SASH1: variants seen among roughly 807,000 people sequenced by gnomAD.
SASH1 encodes SAM and SH3 domain-containing protein 1.
Under a neutral mutation model 125.2 loss-of-function variants are expected in SASH1, and 44 were observed. That is an observed-to-expected ratio of 0.35 (90% CI 0.28 to 0.45). SASH1 has a LOEUF of 0.45. Ranked by LOEUF, SASH1 falls within the 20% of genes least tolerant of loss-of-function variation. The probability of loss-of-function intolerance (pLI) is 1.00; values close to 1 mark genes in which losing one functional copy is unlikely to be tolerated. For synonymous variants in SASH1, 639 were observed against 649.1 expected (o/e 0.98, Z 0.24); for missense variants, 1,426 against 1,614.5 (o/e 0.88, Z 2.00).
Position 148,544,901 on chromosome 6 carries a change from AAGCCAGCCCGGT to A in SASH1, c.3348+88_3348+99del. Reference sequence around the variant, plus strand: ...GCCAGGTGAGATGAACCCACATCTGAAGCCAGCCCGGTAGCCCGCCCAGTGGACAGGAGACAC... The same window carrying A: ...GCCAGGTGAGATGAACCCACATCTGAAGCCCGCCCAGTGGACAGGAGACAC... On this transcript the variant is annotated intron_variant, in intron 18 of 19. Transcript: ENST00000367467. This position sits in a 1 kb window ranked among gnomAD's most constrained non-coding sequence, Gnocchi z 6.4. The A allele has an allele frequency of 7.2e-7, 1 of 1,393,708 alleles. No homozygotes were observed. The allele number at this position is 1,393,708 out of a possible 1,614,324, so 86.3% of individuals were successfully genotyped here. A position where few individuals can be genotyped will look rare whatever the true frequency, so the allele number is the denominator to read the frequency against.
intron 1 of SASH1, among the ~76,000 whole-genome samples, chr6:148,285,900 T>C (rs183834670): frequency 2.6e-5 from 4 of 152,136 alleles, no homozygotes; most frequent in East Asian, 1.9e-4. Context: ...CTCTGGTTGC[T>C]TGCATGGGTT....
intron 10 of SASH1, among the ~76,000 whole-genome samples, chr6:148,520,736 C>T (rs1780760063): frequency 6.6e-6 from 1 of 152,112 alleles, no homozygotes; most frequent in Non-Finnish European, 1.5e-5. Context: ...GAAGCTGATT[C>T]AAAACAGAAG....
chr6:148,333,791 C>G (rs1018052637), intron 1 of SASH1, among the ~76,000 whole-genome samples: 1 of 151,442 alleles, frequency 6.6e-6, no homozygotes, highest in Non-Finnish European at 1.5e-5. Flanking sequence ...AAATTCCCGA[C>G]CTCAGGTGAT....
At chr6:148,298,866 A>T (rs948184250) in intron 1 of SASH1, among the ~76,000 whole-genome samples, 4 of 111,392 alleles carry the variant, frequency 3.6e-5, no homozygotes, top group Non-Finnish European at 5.6e-5. Flanking sequence ...GGAAGGAGGG[A>T]GGGAAGTAAG....
intron 4 of SASH1, among the ~76,000 whole-genome samples, chr6:148,445,764 T>A (rs1185226304): frequency 6.6e-6 from 1 of 152,166 alleles, no homozygotes; most frequent in African/African-American, 2.4e-5. Flanking sequence ...TTGCAGAGCT[T>A]TCCTAGAAAC....
chr6:148,390,654 GAT>G (rs1783668112), intron 2 of SASH1, among the ~76,000 whole-genome samples: 2 of 152,066 alleles, frequency 1.3e-5, no homozygotes, highest in South Asian at 2.1e-4. Context: ...CGGGCGTGGT[GAT>G]GGGTGCCTGT....
chr6:148,284,680 C>T (rs1779436744), intron 1 of SASH1, among the ~76,000 whole-genome samples: 2 of 152,156 alleles, frequency 1.3e-5, no homozygotes, highest in Non-Finnish European at 2.9e-5. Flanking sequence ...TCTTTGAGAG[C>T]ATCTTGTTTT....
chr6:148,388,061 A>G (rs1363864258), intron 1 of SASH1, among the ~76,000 whole-genome samples: 1 of 151,794 alleles, frequency 6.6e-6, no homozygotes, highest in African/African-American at 2.4e-5. Context: ...GATTACAGGC[A>G]TGCACCACCA....
the SASH1 span, among the ~76,000 whole-genome samples, chr6:148,210,948 T>TA: frequency 6.6e-6 from 1 of 152,192 alleles, no homozygotes; most frequent in African/African-American, 2.4e-5. Flanking sequence ...AAAGTTCTGT[T>TA]AAAAAAGAAA....
At chr6:148,510,652 A>G (rs1427316603) in intron 8 of SASH1, among the ~76,000 whole-genome samples, 1 of 151,966 alleles carries the variant, frequency 6.6e-6, no homozygotes. Context: ...TTATGTTTAT[A>G]AATATAAAAA....
At chr6:148,335,757 T>C (rs1055255579) in intron 1 of SASH1, among the ~76,000 whole-genome samples, 2 of 152,116 alleles carry the variant, frequency 1.3e-5, no homozygotes, top group Admixed American at 1.3e-4. Context: ...CTGCTGCTGT[T>C]AATACCTTTA....
chr6:148,461,800 A>G (rs1777623405), intron 4 of SASH1, among the ~76,000 whole-genome samples: 1 of 152,230 alleles, frequency 6.6e-6, no homozygotes, highest in South Asian at 2.1e-4. Flanking sequence ...TGATAAAAGT[A>G]TCTTTGATAC....
chr6:148,438,750 A>T (rs1269185789), intron 2 of SASH1, among the ~76,000 whole-genome samples: 1 of 115,718 alleles, frequency 8.6e-6, no homozygotes, highest in East Asian at 2.4e-4. Flanking sequence ...AAAAAAACCA[A>T]AACAAACAAA....
intron 8 of SASH1, among the ~76,000 whole-genome samples, chr6:148,504,840 C>G (rs1483418252): frequency 6.6e-6 from 1 of 152,162 alleles, no homozygotes; most frequent in Non-Finnish European, 1.5e-5. Context: ...TGATAAATAC[C>G]TGAATGACTC....
rs147664687 is a variant in SASH1, at chr6:148,387,079, G to GTCTC, written c.157-3038_157-3035dup. Among the ~76,000 whole-genome samples, 85 of 123,420 alleles carry GTCTC rather than the reference G, an allele frequency of 6.9e-4. 2 individuals carry two copies. The highest frequency in any genetic ancestry group is 8.4e-3 in the Middle Eastern group (2 of 238). 81.0% of individuals were successfully genotyped at this position (123,420 alleles called of 152,430 possible). A position where few individuals can be genotyped will look rare whatever the true frequency, so the allele number is the denominator to read the frequency against. On this transcript the variant is annotated intron_variant, in intron 1 of 19. Transcript: ENST00000367467. ...TCTTTCTTTCTTGCTTTCTCCCTCT[G>GTCTC]TCTCTCTCTCTCTCTCTCTCCTTCC...
chr6:148,426,160 G>T (rs977056106), intron 2 of SASH1, among the ~76,000 whole-genome samples: 2 of 152,156 alleles, frequency 1.3e-5, no homozygotes, highest in African/African-American at 4.8e-5. Context: ...AGTGAGCCGA[G>T]ATCGTGCCAC....
the SASH1 span, among the ~76,000 whole-genome samples, chr6:148,249,290 C>T: frequency 6.6e-6 from 1 of 152,200 alleles, no homozygotes. Flanking sequence ...AGAATGAATA[C>T]TCCTGCAGAG....
intron 7 of SASH1, 130 bp downstream of exon 7, chr6:148,474,352 T>G (rs1583217946): frequency 1.7e-6 from 1 of 576,952 alleles, no homozygotes; most frequent in Non-Finnish European, 3.1e-6. Flanking sequence ...TTCTGTTTAC[T>G]TGATACAAAC....
At chr6:148,450,379 C>T (rs919122962) in intron 4 of SASH1, among the ~76,000 whole-genome samples, 1 of 152,120 alleles carries the variant, frequency 6.6e-6, no homozygotes, top group Non-Finnish European at 1.5e-5. Flanking sequence ...TCCATATAAC[C>T]CCAATTCCAG....
Sources: gnomAD v4.1 joint callset for allele counts (sites outside exome capture counted in the v4.1 genomes callset) on GRCh38, gnomAD v4.1.1 for gene constraint, Gnocchi (gnomAD v3.1) non-coding constraint, MANE v1.5 for transcripts, NCBI Gene and HGNC (gene_info 2026-07-23, HGNC 2026-07-21) for gene names.